The following PCDH15 variants were observed in gnomAD, a reference collection of about 807,000 sequenced individuals.
PCDH15 encodes protocadherin-15.
Under a neutral mutation model 178.5 loss-of-function variants are expected in PCDH15, and 129 were observed. The ratio of observed to expected loss-of-function variants is 0.72; its 90% CI spans 0.63 to 0.84. The LOEUF is 0.84. Among genes scored for constraint, PCDH15 ranks in the 40% least tolerant of loss-of-function variants. The pLI is 0.00. For synonymous variants in PCDH15, 800 were observed against 732.0 expected, an observed-to-expected ratio of 1.09 and a Z score of -1.50; for missense variants, 2,230 against 2,099.9, an observed-to-expected ratio of 1.06 and a Z score of -1.21.
At chr10:55,624,735 C>A (rs1837486442) in intron 2 of PCDH15, among the ~76,000 whole-genome samples, 1 of 152,176 alleles carries the variant, frequency 6.6e-6, no homozygotes, top group Non-Finnish European at 1.5e-5. Context: ...TGACCAACAT[C>A]GTTAGGCTGG....
At chr10:55,316,930 T>C (rs1460933053) in intron 1 of PCDH15, among the ~76,000 whole-genome samples, 1 of 152,176 alleles carries the variant, frequency 6.6e-6, no homozygotes, top group Non-Finnish European at 1.5e-5. Context: ...AGACTCAAAT[T>C]TGAAATCTGA....
chr10:55,146,967 A>G (rs1209200299), intron 2 of PCDH15, among the ~76,000 whole-genome samples: 2 of 151,656 alleles, frequency 1.3e-5, no homozygotes, highest in Non-Finnish European at 3.0e-5. Flanking sequence ...ACAAAGAAAT[A>G]ATCTATTTTA....
At chr10:53,847,845 T>G (rs1252531635) in intron 28 of PCDH15, among the ~76,000 whole-genome samples, 1 of 152,138 alleles carries the variant, frequency 6.6e-6, no homozygotes. Flanking sequence ...TTAATGTATT[T>G]TACCTTTTTT....
chr10:55,233,451 G>GAAATTATAGTAA (rs1841284823), intron 1 of PCDH15, among the ~76,000 whole-genome samples: 1 of 152,032 alleles, frequency 6.6e-6, no homozygotes, highest in South Asian at 2.1e-4. Context: ...TGAAGAATAA[G>GAAATTATAGTAA]AAATTATAGT....
At chr10:53,853,798 A>G (rs1487164024) in intron 28 of PCDH15, among the ~76,000 whole-genome samples, 1 of 152,010 alleles carries the variant, frequency 6.6e-6, no homozygotes, top group Non-Finnish European at 1.5e-5. Context: ...TAGGAGGTTG[A>G]GAAGTTGGAA....
intron 15 of PCDH15, among the ~76,000 whole-genome samples, chr10:54,122,010 C>CACAG (rs1397132738): frequency 2.0e-5 from 3 of 150,306 alleles, no homozygotes; most frequent in Admixed American, 6.6e-5. Flanking sequence ...CATACACACA[C>CACAG]ACACACACAC....
In PCDH15 at chr10:55,133,550, TG is replaced by T. The variant is rs1838110386; in HGVS notation, c.-80+33025del. On this transcript the variant is annotated intron_variant, in intron 2 of 5. Transcript: ENST00000458638. ...ATGTCTGTGGCTGATGAACCTCTAT[TG>T]TACATCTCTAGCCCTGACCTCTTTC... is the stretch of plus-strand genomic sequence containing the variant. Among the ~76,000 whole-genome samples the T allele has an allele frequency of 2.6e-5, 4 of 152,242 alleles. No homozygotes were observed. In the South Asian group the frequency reaches 8.3e-4, roughly 32 times the overall value.
chr10:54,335,054 C>A (rs552615435), intron 6 of PCDH15, among the ~76,000 whole-genome samples: 36 of 152,182 alleles, frequency 2.4e-4, no homozygotes, highest in Admixed American at 1.6e-3. Flanking sequence ...ACTGTGCCAT[C>A]AGCTGCTGAA....
intron 21 of PCDH15, among the ~76,000 whole-genome samples, chr10:53,970,128 C>A (rs2610902): frequency 0.71 from 107,233 of 151,840 alleles, 38,223 homozygotes; most frequent in East Asian, 0.87. Flanking sequence ...TTATGTGCAG[C>A]GATACACATA....
chr10:55,471,308 C>A (rs962851649), intron 2 of PCDH15, among the ~76,000 whole-genome samples: 1 of 151,972 alleles, frequency 6.6e-6, no homozygotes, highest in African/African-American at 2.4e-5. Flanking sequence ...TATTAAATAG[C>A]CTTTAGTTTG....
intron 3 of PCDH15, among the ~76,000 whole-genome samples, chr10:54,454,067 T>C (rs1363336661): frequency 6.6e-6 from 1 of 150,882 alleles, no homozygotes; most frequent in Non-Finnish European, 1.5e-5. Flanking sequence ...ATATAACAGA[T>C]TTATAGATTT....
intron 29 of PCDH15, among the ~76,000 whole-genome samples, chr10:53,837,750 A>AAC (rs146785616): frequency 0.17 from 25,944 of 149,794 alleles, 2,835 homozygotes; most frequent in East Asian, 0.59. Flanking sequence ...AGCCTTGGAA[A>AAC]ACACACACAC....
At chr10:55,291,763 G>C (rs113830065) in intron 1 of PCDH15, among the ~76,000 whole-genome samples, 1 of 152,074 alleles carries the variant, frequency 6.6e-6, no homozygotes, top group African/African-American at 2.4e-5. Flanking sequence ...CAAAATAAAG[G>C]AGTTTAATGG....
At chr10:53,906,335 T>C (rs1419988837) in intron 25 of PCDH15, among the ~76,000 whole-genome samples, 1 of 152,102 alleles carries the variant, frequency 6.6e-6, no homozygotes, top group Non-Finnish European at 1.5e-5. Flanking sequence ...GCACTAAAAA[T>C]GTTTCTTTCT....
intron 8 of PCDH15, among the ~76,000 whole-genome samples, chr10:54,263,429 T>G (rs2057464951): frequency 6.6e-6 from 1 of 152,178 alleles, no homozygotes; most frequent in Admixed American, 6.5e-5. Flanking sequence ...GCAGTAGCTC[T>G]TCCCATAAGG....
chr10:53,807,190 A>AAT, intron 37 of PCDH15, 60 bp from the exon 38 acceptor site: 1 of 1,306,676 alleles, frequency 7.7e-7, no homozygotes, highest in Non-Finnish European at 1.0e-6. Context: ...GGCAATGATT[A>AAT]CATTGCCTGT....
chr10:54,417,869 A>G (rs1458082578), intron 3 of PCDH15, among the ~76,000 whole-genome samples: 2 of 152,170 alleles, frequency 1.3e-5, no homozygotes, highest in Non-Finnish European at 1.5e-5. Flanking sequence ...CCATAAATAG[A>G]GTGGTTATGG....
At chr10:53,814,434 C>A (rs1182965331) in intron 35 of PCDH15, among the ~76,000 whole-genome samples, 1 of 152,096 alleles carries the variant, frequency 6.6e-6, no homozygotes, top group Non-Finnish European at 1.5e-5. Context: ...TCAGCTCTTG[C>A]TAGCTACAAT....
At chr10:55,546,164 C>G (rs1015985457) in intron 2 of PCDH15, among the ~76,000 whole-genome samples, 1 of 152,030 alleles carries the variant, frequency 6.6e-6, no homozygotes, top group African/African-American at 2.4e-5. Context: ...AGAAACAACA[C>G]TGGTTTTGAT....
Sources: gnomAD v4.1 joint callset for allele counts (sites outside exome capture counted in the v4.1 genomes callset) on GRCh38, gnomAD v4.1.1 for gene constraint, MANE v1.5 for transcripts, NCBI Gene and HGNC (gene_info 2026-07-23, HGNC 2026-07-21) for gene names.